Variants in FCHSD2 observed in about 807,000 individuals in gnomAD.
FCHSD2 encodes F-BAR and double SH3 domains protein 2.
A neutral mutation model predicts 108.1 loss-of-function variants in FCHSD2; 38 were observed. The observed-to-expected ratio is 0.35, with a 90% CI of 0.27 to 0.46. The LOEUF is 0.46. Among genes scored for constraint, FCHSD2 ranks in the 20% least tolerant of loss-of-function variants. The pLI, the probability that FCHSD2 is intolerant of heterozygous loss-of-function variation, is 1.00. For synonymous variants in FCHSD2, 279 were observed against 314.7 expected (o/e 0.89, Z 1.20); for missense variants, 751 against 897.8 (o/e 0.84, Z 2.09).
intron 8 of FCHSD2, among the ~76,000 whole-genome samples, chr11:72,928,412 C>T (rs895545463): frequency 2.6e-5 from 4 of 152,206 alleles, no homozygotes; most frequent in Non-Finnish European, 4.4e-5. Flanking sequence ...CCCAACTATA[C>T]TGAGTCATTT....
intron 9 of FCHSD2, among the ~76,000 whole-genome samples, chr11:72,918,336 A>T (rs970037832): frequency 6.6e-6 from 1 of 152,110 alleles, no homozygotes; most frequent in Admixed American, 6.5e-5. Context: ...AAAGAGAGGT[A>T]ATTTTAATTC....
intron 2 of FCHSD2, among the ~76,000 whole-genome samples, chr11:73,106,483 G>A (rs1436183688): frequency 2.6e-5 from 4 of 151,616 alleles, no homozygotes; most frequent in Non-Finnish European, 1.5e-5. Context: ...TATTCTGCTT[G>A]TTAAAGAACC....
chr11:73,080,028 T>C (rs766127791), intron 3 of FCHSD2, among the ~76,000 whole-genome samples: 2 of 152,064 alleles, frequency 1.3e-5, no homozygotes, highest in African/African-American at 2.4e-5. Context: ...CCAGGCGCGG[T>C]AGCTCATGCC....
chr11:73,003,540 G>A (rs2135420312), intron 4 of FCHSD2, among the ~76,000 whole-genome samples: 1 of 148,188 alleles, frequency 6.7e-6, no homozygotes, highest in Admixed American at 6.7e-5. Flanking sequence ...AGGCTGGAGT[G>A]CAGTGGCGGG....
At chr11:73,001,691 T>C (rs1857629625) in intron 4 of FCHSD2, among the ~76,000 whole-genome samples, 1 of 152,222 alleles carries the variant, frequency 6.6e-6, no homozygotes, top group African/African-American at 2.4e-5. Context: ...CATGAACAAC[T>C]GTTGATGTGC....
At position 73,142,128 on chromosome 11, in the gene FCHSD2, G is replaced by C; in HGVS notation, c.-251C>G. 2.7e-6 allele frequency: 1 copy of C among 363,846 alleles called. No homozygotes were observed. The allele number at this position is 363,846 out of a possible 1,614,324, so 22.5% of individuals were successfully genotyped here. ...CCCGGGCGGCCCGGGCGGCCCGGGG[G>C]TGTGTGAGGAAGGAGGCGGAGACGG... On this transcript the variant is annotated 5_prime_UTR_variant, in exon 1 of 20. Coordinates refer to ENST00000409418, the MANE Select transcript of FCHSD2 (RefSeq NM_014824.3).
At chr11:73,079,206 T>A (rs965298933) in intron 3 of FCHSD2, among the ~76,000 whole-genome samples, 10 of 152,048 alleles carry the variant, frequency 6.6e-5, no homozygotes, top group African/African-American at 2.4e-4. Context: ...AATAATTTTT[T>A]TTTTTTTTTT....
intron 8 of FCHSD2, among the ~76,000 whole-genome samples, chr11:72,981,872 A>G (rs1857222012): frequency 6.6e-6 from 1 of 152,134 alleles, no homozygotes; most frequent in South Asian, 2.1e-4. Flanking sequence ...TCCTAGCTAC[A>G]TGGGAGGCTG....
At chr11:72,922,409 C>T (rs143233886) in intron 8 of FCHSD2, among the ~76,000 whole-genome samples, 1 of 151,870 alleles carries the variant, frequency 6.6e-6, no homozygotes, top group Non-Finnish European at 1.5e-5. Flanking sequence ...AGAAAAAACA[C>T]AATAGAAATA....
At chr11:72,860,582 C>A (rs1385962648) in intron 13 of FCHSD2, among the ~76,000 whole-genome samples, 1 of 152,164 alleles carries the variant, frequency 6.6e-6, no homozygotes, top group Admixed American at 6.5e-5. Context: ...CAGTGGCTCA[C>A]TCCTATAATC....
At chr11:72,841,340 CAAAAAAAAA>C (rs59748827) in intron 18 of FCHSD2, 105 bp downstream of exon 18, 55 of 373,796 alleles carry the variant, frequency 1.5e-4, no homozygotes, top group African/African-American at 2.9e-4. Flanking sequence ...ACTCTGTCTC[CAAAAAAAAA>C]AAAAAAAAAA....
At chr11:72,984,301 A>G (rs1005592719) in intron 7 of FCHSD2, 85 bp from the exon 8 acceptor site, 27 of 1,273,638 alleles carry the variant, frequency 2.1e-5, no homozygotes, top group Non-Finnish European at 2.9e-5. Flanking sequence ...GTTTGCAATT[A>G]ATGGCTCCCC....
At position 72,983,527 on chromosome 11, in the gene FCHSD2, T is replaced by C. The variant is rs577926829; in HGVS notation, c.705+561A>G. ...TCATTAGACATAGTTGTGGCCAAAA[T>C]TGTAGTTAATAAAAAATTCAGGCTA... is the stretch of plus-strand genomic sequence containing the variant. On this transcript the variant is annotated intron_variant, in intron 8 of 19. Coordinates refer to ENST00000409418, the MANE Select transcript of FCHSD2 (RefSeq NM_014824.3). Among the ~76,000 whole-genome samples, 15 of 152,142 alleles carry C rather than the reference T, an allele frequency of 9.9e-5. No homozygotes were observed. The South Asian group carries it at 3.1e-3, about 32-fold the overall frequency.
chr11:72,899,492 T>G (rs1855483572), intron 10 of FCHSD2, among the ~76,000 whole-genome samples: 1 of 152,074 alleles, frequency 6.6e-6, no homozygotes, highest in South Asian at 2.1e-4. Context: ...ATAATACATG[T>G]CTGGCTGAGG....
intron 4 of FCHSD2, among the ~76,000 whole-genome samples, chr11:73,003,289 A>C (rs2135420044): frequency 6.6e-6 from 1 of 152,274 alleles, no homozygotes; most frequent in South Asian, 2.1e-4. Flanking sequence ...TGCACCACTT[A>C]CCTCACAGGG....
At chr11:73,031,586 A>G (rs1858362367) in intron 3 of FCHSD2, among the ~76,000 whole-genome samples, 1 of 152,162 alleles carries the variant, frequency 6.6e-6, no homozygotes, top group Non-Finnish European at 1.5e-5. Context: ...TTGTATATGC[A>G]TTATGTTGTT....
At chr11:73,093,388 G>A (rs1001432945) in intron 2 of FCHSD2, among the ~76,000 whole-genome samples, 5 of 152,146 alleles carry the variant, frequency 3.3e-5, no homozygotes, top group South Asian at 2.1e-4. Context: ...ATTGCAAGTC[G>A]TGTCAGAAGT....
intron 18 of FCHSD2, 98 bp from the exon 19 acceptor site, chr11:72,841,057 C>A: frequency 1.2e-6 from 1 of 860,062 alleles, no homozygotes; most frequent in Non-Finnish European, 1.9e-6. Flanking sequence ...AATCCCAGCA[C>A]TTTGGGATAC....
At chr11:72,983,989 T>C in intron 8 of FCHSD2, 99 bp downstream of exon 8, 1 of 894,732 alleles carries the variant, frequency 1.1e-6, no homozygotes, top group Middle Eastern at 2.2e-4. Context: ...ATAGCCTGGC[T>C]ACTCTTTTAT....
Sources: gnomAD v4.1 joint callset for allele counts (sites outside exome capture counted in the v4.1 genomes callset) on GRCh38, gnomAD v4.1.1 for gene constraint, MANE v1.5 for transcripts, NCBI Gene and HGNC (gene_info 2026-07-23, HGNC 2026-07-21) for gene names.